Variants in B4GALT4 observed in about 807,000 individuals in gnomAD.
B4GALT4 encodes beta-1,4-galactosyltransferase 4.
Under a neutral mutation model 37.3 loss-of-function variants are expected in B4GALT4, and 27 were observed. The observed-to-expected ratio is 0.72, with a 90% confidence interval of 0.53 to 1.00. The LOEUF (loss-of-function observed/expected upper bound fraction) is 1.00. B4GALT4 is among the 50% of genes least tolerant of loss of function. B4GALT4 has a pLI of 0.00. For missense variants in B4GALT4, 372 were observed against 413.1 expected, an observed-to-expected ratio of 0.90 and a Z score of 0.86; for synonymous variants, 148 against 154.1, an observed-to-expected ratio of 0.96 and a Z score of 0.29.
intron 2 of B4GALT4, chr3:119,232,301 G>A (rs2078847710): frequency 6.6e-6 from 1 of 152,144 alleles, no homozygotes; most frequent in Admixed American, 6.5e-5. Flanking sequence ...CCATGCACTG[G>A]GGTAAAATCA....
At position 119,226,908 on chromosome 3, in the gene B4GALT4, G is replaced by A. The variant is rs757553736; in HGVS notation, c.387C>T (p.Pro129=). The change falls in exon 4 of 8, where the codon CCC becomes CCT. Residue 129 remains proline, a synonymous_variant. Coordinates refer to ENST00000393765, the MANE Select transcript of B4GALT4 (RefSeq NM_003778.4). ...TCAGGTGTTTCTCTCTGTTCCGGTG[G>A]GGAACGAGGATGGCGACCCTCTGTA... ...KALQRVAILV[P]HRNREKHLMY... is the part of the protein sequence containing the mutation. 1 of 1,614,148 alleles carries A rather than the reference G, an allele frequency of 6.2e-7. No individual in the cohort carries two copies. The highest frequency in any genetic ancestry group is 1.3e-5 in the African/African-American group (1 of 75,026).
At chr3:119,223,695 T>C (rs1009664282) in intron 5 of B4GALT4, among the ~76,000 whole-genome samples, 3 of 128,190 alleles carry the variant, frequency 2.3e-5, no homozygotes, top group East Asian at 2.2e-4. Context: ...CACCAGCCTG[T>C]TGCCTCCTAG....
Position 119,216,260 on chromosome 3 carries a change from G to T in B4GALT4, c.882C>A (p.Gly294=). 1 of 1,613,476 alleles carries T rather than the reference G, an allele frequency of 6.2e-7. No homozygotes were observed. The highest frequency in any genetic ancestry group is 1.1e-5 in the South Asian group (1 of 90,952). Residue 294 remains glycine (G), a synonymous_variant, in exon 7 of 8, where the codon GGC becomes GGA. Coordinates refer to ENST00000393765, the MANE Select transcript of B4GALT4 (RefSeq NM_003778.4). The stretch of plus-strand genomic sequence containing the variant: ...CTTACCGTTCTGCGTTCACCTCATT[G>T]CCTTTGTCTCTAGTGTGGAAGACCA... The part of the protein sequence containing the change: ...YTMVFHTRDK[G]NEVNAERMKL...
chr3:119,230,429 C>T (rs1408148059), intron 2 of B4GALT4, 185 bp from the exon 3 acceptor site: 1 of 288,202 alleles, frequency 3.5e-6, no homozygotes, highest in African/African-American at 2.2e-5. Flanking sequence ...CAATACATCA[C>T]AGAAGCACTC....
intron 3 of B4GALT4, among the ~76,000 whole-genome samples, chr3:119,229,416 A>G (rs1479348596): frequency 6.6e-6 from 1 of 152,260 alleles, no homozygotes; most frequent in Non-Finnish European, 1.5e-5. Flanking sequence ...GCACGCAACC[A>G]TAAGAACAGA....
chr3:119,223,791 C>T (rs922325588), intron 5 of B4GALT4, among the ~76,000 whole-genome samples: 19 of 152,200 alleles, frequency 1.2e-4, no homozygotes, highest in Admixed American at 2.0e-4. Context: ...AGGGGCGCTG[C>T]GGGTGAGACT....
At chr3:119,224,677 TAAAA>T (rs200101918) in intron 4 of B4GALT4, among the ~76,000 whole-genome samples, 1 of 152,164 alleles carries the variant, frequency 6.6e-6, no homozygotes. Flanking sequence ...TTTAAAAAGT[TAAAA>T]AAAGTTAAGA....
intron 7 of B4GALT4, 160 bp downstream of exon 7, chr3:119,216,080 A>G (rs1468080919): frequency 2.2e-6 from 1 of 451,790 alleles, no homozygotes; most frequent in African/African-American, 2.0e-5. Flanking sequence ...GTGAGGGTTC[A>G]GTGCACCACT....
rs1553749684 is a variant in B4GALT4, at chr3:119,228,848, A to ATCTCTGTCTTTCTCTCTCCTTC, written c.253+998_253+999insGAAGGAGAGAGAAAGACAGAGA. Among the ~76,000 whole-genome samples, 255 of 151,452 alleles carry ATCTCTGTCTTTCTCTCTCCTTC rather than the reference A, an allele frequency of 1.7e-3. 1 individual carries two copies. Among genetic ancestry groups the ATCTCTGTCTTTCTCTCTCCTTC allele is most frequent in the Non-Finnish European group, 3.1e-3 (207 of 67,854 alleles). ...TTATAAAAAGAGCAAGAGGCATGAG[A>ATCTCTGTCTTTCTCTCTCCTTC]TCTATCTATCTCTGTCTTTCTCTCT... On this transcript the variant is annotated intron_variant, in intron 3 of 7. Coordinates refer to ENST00000393765, the MANE Select transcript of B4GALT4 (RefSeq NM_003778.4).
At chr3:119,225,546 G>A (rs2078586666) in intron 4 of B4GALT4, among the ~76,000 whole-genome samples, 1 of 149,142 alleles carries the variant, frequency 6.7e-6, no homozygotes, top group African/African-American at 2.5e-5. Flanking sequence ...ACAGGCATGT[G>A]CCACCACACC....
At position 119,221,116 on chromosome 3, in the gene B4GALT4, TTTTA is replaced by T. The variant is rs748913323; in HGVS notation, c.675-2348_675-2345del. 7.2e-5 allele frequency among the ~76,000 whole-genome samples: 11 copies of T among 152,304 alleles called. No homozygotes were observed. In the East Asian group the frequency reaches 2.1e-3, roughly 29 times the overall value. ...AAATATTTAACTGGCCCTGGAACCTTTTTATTTATTTTTAAAGCCCTGTAAGGCC... is the reference window on the plus strand; with the variant it reads ...AAATATTTAACTGGCCCTGGAACCTTTTTATTTTTAAAGCCCTGTAAGGCC... On this transcript the variant is annotated intron_variant, in intron 5 of 7. Coordinates refer to ENST00000393765, the MANE Select transcript of B4GALT4 (RefSeq NM_003778.4).
chr3:119,234,631 A>C (rs1170515964), intron 2 of B4GALT4, among the ~76,000 whole-genome samples: 1 of 152,208 alleles, frequency 6.6e-6, no homozygotes, highest in Non-Finnish European at 1.5e-5. Context: ...TTTTAGGGCA[A>C]GTGACTCCTG....
At chr3:119,229,014 G>A (rs2078723283) in intron 3 of B4GALT4, among the ~76,000 whole-genome samples, 2 of 152,206 alleles carry the variant, frequency 1.3e-5, no homozygotes, top group African/African-American at 2.4e-5. Context: ...TTTAACATAA[G>A]TTGAGAGGCA....
At chr3:119,216,891 G>C (rs2078307626) in intron 6 of B4GALT4, among the ~76,000 whole-genome samples, 1 of 152,232 alleles carries the variant, frequency 6.6e-6, no homozygotes, top group African/African-American at 2.4e-5. Context: ...TGGTGATAGG[G>C]AGTTGATTTC....
At position 119,230,015 on chromosome 3, in the gene B4GALT4, C is replaced by T; in HGVS notation, c.85G>A (p.Ala29Thr). The T allele has an allele frequency of 6.2e-7, 1 of 1,614,136 alleles. No individual in the cohort carries two copies. ...LTLCLTVVGW[A>T]TSNYFVGAIQ... ...GCACCCACGAAGTAGTTACTGGTGG[C>T]CCACCCAACCACTGTCAGGCACAAA... The change falls in exon 3 of 8, where the codon GCC (alanine) becomes ACC (threonine). Residue 29 changes from alanine (A) to threonine (T), a missense_variant. By Grantham distance (58) the Ala-to-Thr change is moderately conservative (BLOSUM62 0). Coordinates refer to ENST00000393765, the MANE Select transcript of B4GALT4 (RefSeq NM_003778.4).
At chr3:119,226,775 T>C in intron 4 of B4GALT4, 34 bp downstream of exon 4, 2 of 1,570,414 alleles carry the variant, frequency 1.3e-6, no homozygotes, top group Non-Finnish European at 1.7e-6. Flanking sequence ...AAGAGGAGGG[T>C]CGAGGGCAGG....
intron 5 of B4GALT4, among the ~76,000 whole-genome samples, chr3:119,222,911 A>G (rs1167348490): frequency 6.6e-6 from 1 of 152,178 alleles, no homozygotes; most frequent in African/African-American, 2.4e-5. Flanking sequence ...TAAAGTCAGT[A>G]CCTGAGGCAA....
intron 2 of B4GALT4, chr3:119,236,099 T>C (rs1263152898): frequency 3.3e-5 from 5 of 152,238 alleles, no homozygotes; most frequent in African/African-American, 1.2e-4. Context: ...AAGATAATTC[T>C]TAACTACAAA....
At chr3:119,217,510 C>A (rs889623225) in intron 6 of B4GALT4, among the ~76,000 whole-genome samples, 2 of 152,160 alleles carry the variant, frequency 1.3e-5, no homozygotes, top group Non-Finnish European at 2.9e-5. Context: ...AAATTTCTGA[C>A]AGTCACGTAA....
Sources: gnomAD v4.1 joint callset for allele counts (sites outside exome capture counted in the v4.1 genomes callset) on GRCh38, gnomAD v4.1.1 for gene constraint, MANE v1.5 for transcripts, NCBI Gene and HGNC (gene_info 2026-07-23, HGNC 2026-07-21) for gene names.